CDC42BPA: variants seen among roughly 807,000 people sequenced by gnomAD.
The protein encoded by CDC42BPA is CDC42 binding protein kinase alpha.
Under a neutral mutation model 223.5 loss-of-function variants are expected in CDC42BPA, and 80 were observed. The ratio of observed to expected loss-of-function variants is 0.36; its 90% CI spans 0.30 to 0.43. CDC42BPA has a LOEUF of 0.43. Ranked by LOEUF, CDC42BPA falls within the 20% of genes least tolerant of loss-of-function variation. The pLI, the probability that CDC42BPA is intolerant of heterozygous loss-of-function variation, is 1.00. For synonymous variants in CDC42BPA, 694 were observed against 718.6 expected, an observed-to-expected ratio of 0.97 and a Z score of 0.55; for missense variants, 1,743 against 2,099.9, an observed-to-expected ratio of 0.83 and a Z score of 3.32.
At chr1:226,997,486 T>C (rs1312889260) in intron 35 of CDC42BPA, among the ~76,000 whole-genome samples, 5 of 152,218 alleles carry the variant, frequency 3.3e-5, no homozygotes, top group African/African-American at 4.8e-5. Context: ...TCTTGTCTTA[T>C]GCTAGCTTTT....
intron 14 of CDC42BPA, among the ~76,000 whole-genome samples, chr1:227,108,331 T>C (rs1228655862): frequency 6.6e-6 from 1 of 152,200 alleles, no homozygotes; most frequent in Admixed American, 6.5e-5. Context: ...TTTTCTAATT[T>C]CCCTGGTGAT....
intron 5 of CDC42BPA, among the ~76,000 whole-genome samples, chr1:227,170,476 A>T (rs1177277925): frequency 1.3e-5 from 2 of 152,006 alleles, no homozygotes; most frequent in African/African-American, 4.8e-5. Flanking sequence ...AGAAAAAAAA[A>T]ATTGTTGTTG....
intron 5 of CDC42BPA, among the ~76,000 whole-genome samples, chr1:227,186,037 G>C (rs1417891157): frequency 6.6e-6 from 1 of 152,194 alleles, no homozygotes; most frequent in Middle Eastern, 3.2e-3. Context: ...TGGCTATGGA[G>C]AATCACAACT....
At chr1:227,046,554 C>A (rs543829885) in intron 23 of CDC42BPA, among the ~76,000 whole-genome samples, 3 of 152,304 alleles carry the variant, frequency 2.0e-5, no homozygotes, top group African/African-American at 7.2e-5. Flanking sequence ...AATTACTTCA[C>A]AAAATTAACG....
intron 3 of CDC42BPA, among the ~76,000 whole-genome samples, chr1:227,206,484 T>A (rs1567802): frequency 6.6e-6 from 1 of 152,024 alleles, no homozygotes; most frequent in Non-Finnish European, 1.5e-5. Flanking sequence ...AAATAAGTTG[T>A]ACATAAACCT....
rs199895591 is a variant in CDC42BPA at position 227,277,078 on chromosome 1, T to TAA, written c.179-22925_179-22924dup. On this transcript the variant is annotated intron_variant, in intron 1 of 36. Transcript: ENST00000366766. The stretch of plus-strand genomic sequence containing the variant: ...ACACCCAAGAATGATCAATAAATAC[T>TAA]AAAAAAAAAAAAAAAAAGAAAAAGA... Among the ~76,000 whole-genome samples the TAA allele has an allele frequency of 5.8e-3, 610 of 104,994 alleles. 3 individuals are homozygous for TAA. The highest frequency in any genetic ancestry group is 0.019 in the African/African-American group (571 of 29,524). 68.9% of individuals were successfully genotyped at this position (104,994 alleles called of 152,430 possible). A position where few individuals can be genotyped will look rare whatever the true frequency, so the allele number is the denominator to read the frequency against.
At chr1:227,130,338 A>C (rs1450605847) in intron 10 of CDC42BPA, among the ~76,000 whole-genome samples, 1 of 152,070 alleles carries the variant, frequency 6.6e-6, no homozygotes, top group Non-Finnish European at 1.5e-5. Context: ...GTCAATAAAT[A>C]TTTGTTAATT....
intron 5 of CDC42BPA, among the ~76,000 whole-genome samples, chr1:227,179,647 A>AAAAAAAAAAAAAAAAAAC (rs1667589460): frequency 6.7e-6 from 1 of 149,394 alleles, no homozygotes; most frequent in Non-Finnish European, 1.5e-5. Flanking sequence ...AAAAAAAAAA[A>AAAAAAAAAAAAAAAAAAC]AAAAAAAAAA....
At chr1:227,150,158 A>G (rs1661457647) in intron 6 of CDC42BPA, among the ~76,000 whole-genome samples, 1 of 149,824 alleles carries the variant, frequency 6.7e-6, no homozygotes, top group Non-Finnish European at 1.5e-5. Flanking sequence ...TGGGAAGTTG[A>G]GGTTGCAGTG....
At chr1:227,095,106 T>C (rs920185631) in intron 15 of CDC42BPA, among the ~76,000 whole-genome samples, 3 of 152,242 alleles carry the variant, frequency 2.0e-5, no homozygotes, top group Non-Finnish European at 4.4e-5. Flanking sequence ...CCATCTGCTT[T>C]ACTTATAGCC....
chr1:227,055,751 A>C (rs749996493), intron 21 of CDC42BPA, among the ~76,000 whole-genome samples: 3 of 152,202 alleles, frequency 2.0e-5, no homozygotes, highest in Non-Finnish European at 2.9e-5. Context: ...TAAATTCAAT[A>C]TAAGAAATAT....
At chr1:227,234,087 T>A (rs1213536988) in intron 2 of CDC42BPA, among the ~76,000 whole-genome samples, 1 of 152,120 alleles carries the variant, frequency 6.6e-6, no homozygotes, top group Non-Finnish European at 1.5e-5. Context: ...TGGAGGTGGG[T>A]TCCAGGAACC....
At position 226,990,757 on chromosome 1, in the gene CDC42BPA, T is replaced by C. The variant is rs74912293; in HGVS notation, c.*3511A>G. 7,230 of 152,756 alleles carry C rather than the reference T, an allele frequency of 0.047. 254 individuals are homozygous for C. Among genetic ancestry groups the C allele is most frequent in the Middle Eastern group, 0.099 (29 of 294 alleles). The allele number at this position is 152,756 out of a possible 1,614,324, so 9.5% of individuals were successfully genotyped here. On this transcript the variant is annotated 3_prime_UTR_variant, in exon 37 of 37. Coordinates refer to ENST00000366766, the MANE Select transcript of CDC42BPA (RefSeq NM_001394014.1). ...AAATGTAACCAGTCTTTCTCAGAAA[T>C]AGACGTGGCCACTAAGTAACAAAAT...
rs1204808728 is a variant in CDC42BPA at position 227,129,707 on chromosome 1, A to ATATATATATATATATATATATATG, written c.1391-477_1391-476insCATATATATATATATATATATATA. 1.5e-5 allele frequency among the ~76,000 whole-genome samples: 2 copies of ATATATATATATATATATATATATG among 134,892 alleles called. 1 individual carries two copies. The highest frequency in any genetic ancestry group is 3.2e-5 in the Non-Finnish European group (2 of 62,780). 88.5% of individuals were successfully genotyped at this position (134,892 alleles called of 152,430 possible). Reference sequence around the variant, plus strand: ...AAAAAAAAAAAAATCCACTGCATATATATATATACAAAAGAATCCACCTTC... The same window carrying ATATATATATATATATATATATATG: ...AAAAAAAAAAAAATCCACTGCATATATATATATATATATATATATATATGTATATATACAAAAGAATCCACCTTC... On this transcript the variant is annotated intron_variant, in intron 10 of 36. Coordinates refer to ENST00000366766, the MANE Select transcript of CDC42BPA (RefSeq NM_001394014.1).
At chr1:227,282,538 T>C (rs1164154739) in intron 1 of CDC42BPA, among the ~76,000 whole-genome samples, 1 of 152,260 alleles carries the variant, frequency 6.6e-6, no homozygotes, top group Non-Finnish European at 1.5e-5. Flanking sequence ...CTCTCTGGTA[T>C]TACCGGCAGT....
chr1:227,266,553 G>C (rs889500232), intron 1 of CDC42BPA, among the ~76,000 whole-genome samples: 2 of 152,148 alleles, frequency 1.3e-5, no homozygotes, highest in African/African-American at 4.8e-5. Context: ...AAAATATTAA[G>C]CATGAAGTCA....
intron 1 of CDC42BPA, among the ~76,000 whole-genome samples, chr1:227,289,091 ACTCT>A (rs1447035073): frequency 8.6e-5 from 13 of 151,838 alleles, no homozygotes; most frequent in Non-Finnish European, 4.4e-5. Flanking sequence ...TCAAGGCACT[ACTCT>A]CTCTCTCACG....
intron 1 of CDC42BPA, among the ~76,000 whole-genome samples, chr1:227,288,753 G>A (rs1164997951): frequency 6.6e-6 from 1 of 152,090 alleles, no homozygotes; most frequent in African/African-American, 2.4e-5. Context: ...CCAACACTTT[G>A]GAAGGCTGAG....
intron 14 of CDC42BPA, among the ~76,000 whole-genome samples, chr1:227,107,996 G>C (rs1686231447): frequency 6.6e-6 from 1 of 152,012 alleles, no homozygotes; most frequent in Admixed American, 6.6e-5. Flanking sequence ...TATTGGGAAG[G>C]GGTCAGTCTA....
Sources: gnomAD v4.1 joint callset for allele counts (sites outside exome capture counted in the v4.1 genomes callset) on GRCh38, gnomAD v4.1.1 for gene constraint, MANE v1.5 for transcripts, NCBI Gene and HGNC (gene_info 2026-07-23, HGNC 2026-07-21) for gene names.